The following PDE4D variants were observed in gnomAD, a reference collection of about 807,000 sequenced individuals.
The protein encoded by PDE4D is 3',5'-cyclic-AMP phosphodiesterase 4D.
Under a neutral mutation model 87.4 loss-of-function variants are expected in PDE4D, and 24 were observed. That is an observed-to-expected ratio of 0.27 (90% confidence interval 0.20 to 0.39). PDE4D has a LOEUF of 0.39. Ranked by LOEUF, PDE4D falls within the 10% of genes least tolerant of loss-of-function variation. The pLI, the probability that PDE4D is intolerant of heterozygous loss-of-function variation, is 1.00. For missense variants in PDE4D, 714 were observed against 1,041.0 expected (o/e 0.69, Z 4.32); for synonymous variants, 384 against 383.2 (o/e 1.00, Z -0.02).
At chr5:59,955,180 G>T (rs1253682863) in intron 3 of PDE4D, among the ~76,000 whole-genome samples, 3 of 152,158 alleles carry the variant, frequency 2.0e-5, no homozygotes, top group Non-Finnish European at 4.4e-5. Flanking sequence ...AACCATGGTT[G>T]TGCCTCTGGA....
At chr5:59,258,933 C>T (rs1214376390) in intron 1 of PDE4D, among the ~76,000 whole-genome samples, 1 of 151,400 alleles carries the variant, frequency 6.6e-6, no homozygotes, top group African/African-American at 2.4e-5. Flanking sequence ...CTAATTCATA[C>T]TTTTATTAAT....
At chr5:59,569,924 G>A (rs917001612) in intron 1 of PDE4D, among the ~76,000 whole-genome samples, 1 of 152,058 alleles carries the variant, frequency 6.6e-6, no homozygotes, top group Admixed American at 6.6e-5. Flanking sequence ...GGTTATTCTG[G>A]TTCTATTAAT....
At chr5:60,497,732 A>G (rs1323744189) in intron 1 of PDE4D, among the ~76,000 whole-genome samples, 1 of 152,132 alleles carries the variant, frequency 6.6e-6, no homozygotes, top group Non-Finnish European at 1.5e-5. Context: ...GAAGTCAATT[A>G]GTCCTATCCT....
intron 2 of PDE4D, among the ~76,000 whole-genome samples, chr5:60,152,676 A>T (rs1356626548): frequency 6.7e-6 from 1 of 150,078 alleles, no homozygotes; most frequent in Admixed American, 6.6e-5. Flanking sequence ...AAAAGAAAAA[A>T]TTTTTACCAA....
intron 1 of PDE4D, among the ~76,000 whole-genome samples, chr5:59,431,669 G>T (rs866907264): frequency 6.6e-6 from 1 of 151,966 alleles, no homozygotes; most frequent in South Asian, 2.1e-4. Flanking sequence ...AGATGTGAAG[G>T]TTTGTTACAT....
chr5:59,591,036 GA>G (rs1336274505), intron 1 of PDE4D, among the ~76,000 whole-genome samples: 4 of 152,114 alleles, frequency 2.6e-5, no homozygotes, highest in Admixed American at 2.0e-4. Flanking sequence ...CAGGTCAGCT[GA>G]GGGGCAAGGT....
intron 1 of PDE4D, among the ~76,000 whole-genome samples, chr5:60,502,783 AG>A (rs1330050393): frequency 1.3e-5 from 2 of 152,216 alleles, no homozygotes; most frequent in Non-Finnish European, 1.5e-5. Flanking sequence ...AAAGTGTTTT[AG>A]GGATCTCTTG....
At chr5:59,292,406 T>C (rs1488857102) in intron 1 of PDE4D, among the ~76,000 whole-genome samples, 1 of 152,322 alleles carries the variant, frequency 6.6e-6, no homozygotes, top group Non-Finnish European at 1.5e-5. Context: ...TCACTACTTA[T>C]ATCTAACATA....
chr5:59,654,638 AG>A lies in PDE4D; in HGVS notation c.455+238529del, dbSNP rs200300451. Among the ~76,000 whole-genome samples, 4 of 152,324 alleles carry A rather than the reference AG, an allele frequency of 2.6e-5. No homozygotes were observed. The East Asian group carries it at 7.7e-4, about 29-fold the overall frequency. On this transcript the variant is annotated intron_variant, in intron 1 of 14. Coordinates refer to ENST00000340635, the MANE Select transcript of PDE4D (RefSeq NM_001104631.2). ...TCTGCCTGTTTAAAATGTACAATTC[AG>A]TGACATTAGTGCATTCACAGAGTTG...
chr5:59,796,533 AG>A (rs1414840537), intron 1 of PDE4D, among the ~76,000 whole-genome samples: 5 of 152,166 alleles, frequency 3.3e-5, no homozygotes, highest in Admixed American at 2.6e-4. Context: ...GTCCTCTTGG[AG>A]GCCATACCCT....
intron 5 of PDE4D, among the ~76,000 whole-genome samples, chr5:59,100,548 T>A (rs1770562418): frequency 6.6e-6 from 1 of 152,186 alleles, no homozygotes; most frequent in African/African-American, 2.4e-5. Context: ...CATTATGACA[T>A]CTTAGTCTAT....
intron 1 of PDE4D, among the ~76,000 whole-genome samples, chr5:59,642,144 A>G (rs2150197570): frequency 6.6e-6 from 1 of 152,290 alleles, no homozygotes; most frequent in African/African-American, 2.4e-5. Flanking sequence ...GTACACAAAA[A>G]TAATCCACTG....
intron 1 of PDE4D, among the ~76,000 whole-genome samples, chr5:59,546,128 T>C (rs1447410000): frequency 6.6e-6 from 1 of 152,164 alleles, no homozygotes; most frequent in African/African-American, 2.4e-5. Flanking sequence ...GCCAGCTTAG[T>C]TTATCCAATA....
At chr5:59,178,481 T>C (rs183152095) in intron 5 of PDE4D, among the ~76,000 whole-genome samples, 63 of 152,294 alleles carry the variant, frequency 4.1e-4, no homozygotes, top group African/African-American at 1.3e-3. Context: ...CTGGTATTGC[T>C]CCAGGACCCC....
intron 1 of PDE4D, among the ~76,000 whole-genome samples, chr5:59,287,428 T>G (rs1195829503): frequency 2.6e-5 from 4 of 152,112 alleles, no homozygotes; most frequent in Non-Finnish European, 5.9e-5. Context: ...CTAAGATTTC[T>G]GACTCCAGGC....
At position 59,493,346 on chromosome 5, in the gene PDE4D, A is replaced by T. The variant is rs1201741278; in HGVS notation, c.456-277378T>A. Among the ~76,000 whole-genome samples the T allele has an allele frequency of 2.0e-5, 3 of 152,228 alleles. No homozygotes were observed. The East Asian group carries it at 5.8e-4, about 29-fold the overall frequency. On this transcript the variant is annotated intron_variant, in intron 1 of 14. Transcript: ENST00000340635. ...GATCAGATACAGCTTCTCAATGTAT[A>T]TACGTAAATGCCTTGCAATAAGGCA... is the stretch of plus-strand genomic sequence containing the variant.
intron 1 of PDE4D, among the ~76,000 whole-genome samples, chr5:59,772,327 CAGTA>C (rs1481609113): frequency 6.6e-6 from 1 of 152,126 alleles, no homozygotes; most frequent in Non-Finnish European, 1.5e-5. Context: ...AAACACTGTA[CAGTA>C]AGTGACAGCC....
At chr5:60,475,859 A>T (rs1748276351) in intron 1 of PDE4D, among the ~76,000 whole-genome samples, 1 of 150,220 alleles carries the variant, frequency 6.7e-6, no homozygotes, top group African/African-American at 2.4e-5. Flanking sequence ...TACCACCCGC[A>T]TCACATAGCG....
chr5:60,084,872 T>C (rs905818908), intron 2 of PDE4D, among the ~76,000 whole-genome samples: 9 of 152,198 alleles, frequency 5.9e-5, no homozygotes, highest in African/African-American at 2.2e-4. Context: ...AGTAGGACCA[T>C]GTAATGATCC....
Sources: gnomAD v4.1 joint callset for allele counts (sites outside exome capture counted in the v4.1 genomes callset) on GRCh38, gnomAD v4.1.1 for gene constraint, MANE v1.5 for transcripts, NCBI Gene and HGNC (gene_info 2026-07-23, HGNC 2026-07-21) for gene names.